Variants in CDK19 observed in about 807,000 individuals in gnomAD.
CDK19 encodes cyclin-dependent kinase 19.
A neutral mutation model predicts 68.3 loss-of-function variants in CDK19; 20 were observed. The ratio of observed to expected loss-of-function variants is 0.29; its 90% CI spans 0.21 to 0.43. CDK19 has a LOEUF of 0.43. CDK19 is among the 20% of genes least tolerant of loss of function. The probability of loss-of-function intolerance (pLI) is 1.00; values close to 1 mark genes in which losing one functional copy is unlikely to be tolerated. For missense variants in CDK19, 339 were observed against 623.5 expected (o/e 0.54, Z 4.86); for synonymous variants, 221 against 222.8 (o/e 0.99, Z 0.07).
chr6:110,768,762 A>G (rs1048889978), intron 1 of CDK19, among the ~76,000 whole-genome samples: 3 of 152,208 alleles, frequency 2.0e-5, no homozygotes, highest in African/African-American at 7.2e-5. Context: ...GGTGATGTTT[A>G]GGGCAGTGAG....
At chr6:110,813,212 A>C (rs1197997514) in intron 1 of CDK19, 1 of 152,202 alleles carries the variant, frequency 6.6e-6, no homozygotes, top group Non-Finnish European at 1.5e-5. Context: ...AAAGAATAGA[A>C]GCAAGAATTA....
At chr6:110,680,534 T>C (rs2817773) in intron 2 of CDK19, among the ~76,000 whole-genome samples, 51,972 of 152,056 alleles carry the variant, frequency 0.34, 10,382 homozygotes, top group East Asian at 0.68. Context: ...TTTCCTACTG[T>C]TGTTTACTGA....
intron 2 of CDK19, among the ~76,000 whole-genome samples, chr6:110,689,748 G>C (rs780530459): frequency 2.0e-5 from 3 of 152,172 alleles, no homozygotes; most frequent in Non-Finnish European, 4.4e-5. Flanking sequence ...ACCCACTGCT[G>C]AAAGACTTGA....
chr6:110,697,381 A>G (rs1339728747), intron 2 of CDK19, among the ~76,000 whole-genome samples: 1 of 152,154 alleles, frequency 6.6e-6, no homozygotes, highest in African/African-American at 2.4e-5. Flanking sequence ...AACCCCTTTT[A>G]TAACAGCTGC....
intron 6 of CDK19, among the ~76,000 whole-genome samples, chr6:110,631,228 G>T (rs913416831): frequency 7.9e-5 from 12 of 152,162 alleles, no homozygotes; most frequent in African/African-American, 2.9e-4. Context: ...AATATACTTA[G>T]GAAATTTGGA....
intron 1 of CDK19, among the ~76,000 whole-genome samples, chr6:110,782,508 A>G (rs1780890895): frequency 6.6e-6 from 1 of 152,150 alleles, no homozygotes; most frequent in African/African-American, 2.4e-5. Context: ...TGTCCTTTCC[A>G]CCAACCACAC....
chr6:110,756,376 C>T (rs558806704), intron 1 of CDK19, among the ~76,000 whole-genome samples: 1 of 148,322 alleles, frequency 6.7e-6, no homozygotes, highest in Non-Finnish European at 1.5e-5. Flanking sequence ...GGAGACAGAG[C>T]GAGACTCTGT....
rs11378068 is a variant in CDK19 at position 110,728,572 on chromosome 6, T to TAAAAA, written c.204+17549_204+17553dup. ...TCTATTGATACCATAGTCAGAGTGG[T>TAAAAA]AAAAAAAAAAAAACTAATTTGACTG... On this transcript the variant is annotated intron_variant, in intron 2 of 12. Coordinates refer to ENST00000368911, the MANE Select transcript of CDK19 (RefSeq NM_015076.5). Among the ~76,000 whole-genome samples, 12 of 144,744 alleles carry TAAAAA rather than the reference T, an allele frequency of 8.3e-5. No individual in the cohort carries two copies. The South Asian group carries it at 1.3e-3, about 16-fold the overall frequency. The allele number at this position is 144,744 out of a possible 152,430, so 95.0% of individuals were successfully genotyped here.
At chr6:110,619,646 C>A (rs1778584294) in intron 12 of CDK19, among the ~76,000 whole-genome samples, 1 of 151,902 alleles carries the variant, frequency 6.6e-6, no homozygotes, top group Non-Finnish European at 1.5e-5. Context: ...TTACCCAGGC[C>A]TCCCTTCAGC....
rs1480968305 is a variant in CDK19 at position 110,613,943 on chromosome 6, C to T, written c.*592G>A. ...TGGTTGTAGGTTCCCTCTGTCCCAC[C>T]GCTTGTCTTTTTATTAGACCTTCCC... is the stretch of plus-strand genomic sequence containing the variant. On this transcript the variant is annotated 3_prime_UTR_variant, in exon 13 of 13. Coordinates refer to ENST00000368911, the MANE Select transcript of CDK19 (RefSeq NM_015076.5). The T allele has an allele frequency of 2.0e-5, 3 of 152,556 alleles. No individual in the cohort carries two copies. The highest frequency in any genetic ancestry group is 4.4e-5 in the Non-Finnish European group (3 of 68,040). The allele number at this position is 152,556 out of a possible 1,614,324, so 9.5% of individuals were successfully genotyped here. A position where few individuals can be genotyped will look rare whatever the true frequency, so the allele number is the denominator to read the frequency against.
At chr6:110,723,466 T>A (rs1280728613) in intron 2 of CDK19, among the ~76,000 whole-genome samples, 1 of 152,190 alleles carries the variant, frequency 6.6e-6, no homozygotes, top group Non-Finnish European at 1.5e-5. Context: ...AGTTTTGGAA[T>A]GAGTGTTAAA....
chr6:110,617,000 TGA>T (rs1778355020), intron 12 of CDK19, among the ~76,000 whole-genome samples: 1 of 152,136 alleles, frequency 6.6e-6, no homozygotes, highest in Non-Finnish European at 1.5e-5. Flanking sequence ...TCAAAAGCCT[TGA>T]AACTCTACTA....
At chr6:110,622,763 A>C (rs1778796043) in intron 10 of CDK19, 52 bp downstream of exon 10, 2 of 1,156,194 alleles carry the variant, frequency 1.7e-6, no homozygotes, top group Non-Finnish European at 2.6e-6. Flanking sequence ...TTCAACCACC[A>C]TGCAGCCTCC....
At chr6:110,795,098 G>A (rs1781850824) in intron 1 of CDK19, among the ~76,000 whole-genome samples, 1 of 152,114 alleles carries the variant, frequency 6.6e-6, no homozygotes, top group African/African-American at 2.4e-5. Flanking sequence ...AGCCTCCTGA[G>A]TAGCTGGGAC....
In CDK19 at chr6:110,613,060, C is replaced by T. The variant is rs1244452765; in HGVS notation, c.*1475G>A. 2 of 152,594 alleles carry T rather than the reference C, an allele frequency of 1.3e-5. No homozygotes were observed. The highest frequency in any genetic ancestry group is 4.8e-5 in the African/African-American group (2 of 41,462). 9.5% of individuals were successfully genotyped at this position (152,594 alleles called of 1,614,324 possible). ...GAAAACATTTAAAACAAGGCTGGTG[C>T]TGCTAGTAGCATTCAGAAGAACACA... On this transcript the variant is annotated 3_prime_UTR_variant, in exon 13 of 13. Transcript: ENST00000368911.
chr6:110,738,389 A>C (rs1318731571), intron 2 of CDK19, among the ~76,000 whole-genome samples: 2 of 151,806 alleles, frequency 1.3e-5, no homozygotes, highest in Admixed American at 1.3e-4. Flanking sequence ...GGATGGTGGC[A>C]CATGCTTGTA....
At chr6:110,638,114 T>A (rs1582741524) in intron 5 of CDK19, among the ~76,000 whole-genome samples, 2 of 152,148 alleles carry the variant, frequency 1.3e-5, no homozygotes, top group Admixed American at 6.6e-5. Flanking sequence ...CAAATAAGAA[T>A]CCTGCCAGTG....
chr6:110,778,566 A>G (rs1170607787), intron 1 of CDK19, among the ~76,000 whole-genome samples: 2 of 152,196 alleles, frequency 1.3e-5, no homozygotes, highest in African/African-American at 4.8e-5. Flanking sequence ...GTCTTGTGTA[A>G]GCAATCACAC....
At chr6:110,654,469 G>A (rs1781173114) in intron 4 of CDK19, among the ~76,000 whole-genome samples, 1 of 152,200 alleles carries the variant, frequency 6.6e-6, no homozygotes, top group Non-Finnish European at 1.5e-5. Context: ...GGCAGGGAGA[G>A]TCATTCTGTC....
Sources: allele counts gnomAD v4.1 joint callset (sites outside exome capture counted in the v4.1 genomes callset), GRCh38; gene constraint gnomAD v4.1.1; transcripts MANE v1.5; gene names NCBI Gene and HGNC (gene_info 2026-07-23, HGNC 2026-07-21).